Variants in SEMA5A observed in about 807,000 individuals in gnomAD.
SEMA5A encodes the protein semaphorin 5A, also known as semaphorin-5A.
SEMA5A carries 55 observed loss-of-function variants against 135.5 expected under a neutral mutation model. That is an observed-to-expected ratio of 0.41 (90% confidence interval 0.33 to 0.51). The LOEUF is 0.51. SEMA5A is among the 20% of genes least tolerant of loss of function. The pLI is 0.37. For synonymous variants in SEMA5A, 580 were observed against 546.5 expected (o/e 1.06, Z -0.85); for missense variants, 1,290 against 1,419.9 (o/e 0.91, Z 1.47).
chr5:9,217,352 G>A (rs1746687118), intron 8 of SEMA5A, among the ~76,000 whole-genome samples: 1 of 152,156 alleles, frequency 6.6e-6, no homozygotes, highest in Non-Finnish European at 1.5e-5. Context: ...TTTCAGCTGA[G>A]AGGTCCACTG....
At chr5:9,118,936 G>T (rs1740659660) in intron 15 of SEMA5A, 62 bp downstream of exon 15, 3 of 1,577,730 alleles carry the variant, frequency 1.9e-6, no homozygotes, top group Admixed American at 3.6e-5. Context: ...CGGGGAACTC[G>T]ACCTGGCCGG....
intron 21 of SEMA5A, among the ~76,000 whole-genome samples, chr5:9,047,383 A>G (rs1173335118): frequency 6.6e-6 from 1 of 152,208 alleles, no homozygotes; most frequent in Non-Finnish European, 1.5e-5. Flanking sequence ...TCATGCAACT[A>G]AAAATAGCTC....
intron 2 of SEMA5A, among the ~76,000 whole-genome samples, chr5:9,426,203 C>A (rs1757640266): frequency 6.6e-6 from 1 of 151,794 alleles, no homozygotes; most frequent in Admixed American, 6.6e-5. Flanking sequence ...TTTGGGAGGC[C>A]GAGGCGGGCA....
intron 12 of SEMA5A, among the ~76,000 whole-genome samples, chr5:9,146,904 A>G (rs1409413989): frequency 1.3e-5 from 2 of 152,196 alleles, no homozygotes; most frequent in African/African-American, 4.8e-5. Context: ...ATTCATTCTG[A>G]GGGGATAATA....
intron 8 of SEMA5A, among the ~76,000 whole-genome samples, chr5:9,217,185 A>T (rs985475738): frequency 3.3e-5 from 5 of 152,212 alleles, no homozygotes; most frequent in Admixed American, 2.0e-4. Context: ...TGGTTAACAA[A>T]GTCACTCAAC....
chr5:9,161,700 T>C (rs1048680645), intron 11 of SEMA5A, among the ~76,000 whole-genome samples: 2 of 152,232 alleles, frequency 1.3e-5, no homozygotes, highest in African/African-American at 2.4e-5. Context: ...CAGGTACTCC[T>C]GGCTACACGC....
intron 11 of SEMA5A, among the ~76,000 whole-genome samples, chr5:9,183,320 G>A (rs1327113949): frequency 5.3e-5 from 8 of 152,114 alleles, no homozygotes; most frequent in African/African-American, 9.7e-5. Context: ...GCCCATACCC[G>A]ACATCCCTCT....
intron 3 of SEMA5A, among the ~76,000 whole-genome samples, chr5:9,359,854 C>A (rs1754614522): frequency 6.6e-6 from 1 of 152,138 alleles, no homozygotes; most frequent in Admixed American, 6.5e-5. Flanking sequence ...TTAAGAACCA[C>A]TGGGGCAGAA....
intron 1 of SEMA5A, among the ~76,000 whole-genome samples, chr5:9,516,043 C>T (rs1028735077): frequency 4.6e-5 from 7 of 152,162 alleles, no homozygotes; most frequent in African/African-American, 1.7e-4. Flanking sequence ...CGAAACATAG[C>T]CCAGGTACCA....
intron 2 of SEMA5A, among the ~76,000 whole-genome samples, chr5:9,394,104 C>A (rs1438821455): frequency 6.6e-6 from 1 of 152,106 alleles, no homozygotes. Flanking sequence ...AAGGAAGCTT[C>A]ACAGTAGTGC....
chr5:9,487,603 C>T (rs931524619), intron 1 of SEMA5A, among the ~76,000 whole-genome samples: 1 of 152,156 alleles, frequency 6.6e-6, no homozygotes, highest in African/African-American at 2.4e-5. Context: ...GGATATAGTT[C>T]ACTCTACTTT....
At chr5:9,182,149 G>GC (rs766612426) in intron 11 of SEMA5A, among the ~76,000 whole-genome samples, 2,596 of 122,120 alleles carry the variant, frequency 0.021, 40 homozygotes, top group South Asian at 0.025. Flanking sequence ...TATTGCTTCT[G>GC]CCCCCCACCC....
intron 1 of SEMA5A, among the ~76,000 whole-genome samples, chr5:9,461,558 C>A (rs1759057684): frequency 6.6e-6 from 1 of 152,074 alleles, no homozygotes; most frequent in South Asian, 2.1e-4. Context: ...AAGTAGAGGC[C>A]CATCATCTTC....
intron 2 of SEMA5A, among the ~76,000 whole-genome samples, chr5:9,427,312 G>C (rs892913707): frequency 7.9e-5 from 12 of 152,006 alleles, no homozygotes; most frequent in Admixed American, 2.6e-4. Context: ...TCTGTCTCGG[G>C]GGGGAAAAAG....
At chr5:9,500,165 A>G (rs1466844987) in intron 1 of SEMA5A, among the ~76,000 whole-genome samples, 2 of 152,220 alleles carry the variant, frequency 1.3e-5, no homozygotes, top group Non-Finnish European at 2.9e-5. Flanking sequence ...CCAGATGTAA[A>G]TTACTAAGTC....
rs938628847 is a variant in SEMA5A at position 9,037,640 on chromosome 5, C to A, written c.*5257G>T. On this transcript the variant is annotated 3_prime_UTR_variant, in exon 23 of 23. Transcript: ENST00000382496. ...CAGTTCAACATTACATCTTATTTACCTTTTCTATTACCAAAAGAGAAAAGA... is the reference window on the plus strand; with the variant it reads ...CAGTTCAACATTACATCTTATTTACATTTTCTATTACCAAAAGAGAAAAGA... 1.3e-5 allele frequency: 2 copies of A among 152,064 alleles called. No homozygotes were observed. Among genetic ancestry groups the A allele is most frequent in the Non-Finnish European group, 2.9e-5 (2 of 68,010 alleles). The allele number at this position is 152,064 out of a possible 1,614,324, so 9.4% of individuals were successfully genotyped here.
At chr5:9,088,557 G>A (rs1214462668) in intron 16 of SEMA5A, among the ~76,000 whole-genome samples, 1 of 148,610 alleles carries the variant, frequency 6.7e-6, no homozygotes, top group African/African-American at 2.5e-5. Flanking sequence ...AAAATGTCGG[G>A]AATGAGATGC....
rs947370445 is a variant in SEMA5A, at chr5:9,040,014, A to G, written c.*2883T>C. On this transcript the variant is annotated 3_prime_UTR_variant, in exon 23 of 23. Coordinates refer to ENST00000382496, the MANE Select transcript of SEMA5A (RefSeq NM_003966.3). Reference sequence around the variant, plus strand: ...CTAAAGCCAAGCCAGCTTCCTCATGAAAACCAGCCTATCTCCAACTGTATT... The same window carrying G: ...CTAAAGCCAAGCCAGCTTCCTCATGGAAACCAGCCTATCTCCAACTGTATT... The G allele has an allele frequency of 1.3e-5, 2 of 152,216 alleles. No individual in the cohort carries two copies. The highest frequency in any genetic ancestry group is 2.9e-5 in the Non-Finnish European group (2 of 68,042). The allele number at this position is 152,216 out of a possible 1,614,324, so 9.4% of individuals were successfully genotyped here.
chr5:9,530,613 T>C (rs900454575), intron 1 of SEMA5A, among the ~76,000 whole-genome samples: 1 of 152,126 alleles, frequency 6.6e-6, no homozygotes, highest in Non-Finnish European at 1.5e-5. Context: ...AGCCCTTATG[T>C]AAGGAGAAAT....
Sources: allele counts gnomAD v4.1 joint callset (sites outside exome capture counted in the v4.1 genomes callset), GRCh38; gene constraint gnomAD v4.1.1; transcripts MANE v1.5; gene names NCBI Gene and HGNC (gene_info 2026-07-23, HGNC 2026-07-21).